SPMAP2: variants seen among roughly 807,000 people sequenced by gnomAD.
SPMAP2 encodes sperm microtubule associated protein 2.
At chr19:368,472 G>T in the SPMAP2 span, among the ~76,000 whole-genome samples, 1 of 152,074 alleles carries the variant, frequency 6.6e-6, no homozygotes, top group African/African-American at 2.4e-5. The surrounding 1 kb of genome is among the most constrained non-coding windows in gnomAD (Gnocchi z 4.1). Context: ...TGATGCCTCT[G>T]GGGAGGGAGG....
chr19:369,273 A>G, the SPMAP2 span, among the ~76,000 whole-genome samples: 1 of 152,192 alleles, frequency 6.6e-6, no homozygotes, highest in Non-Finnish European at 1.5e-5. Flanking sequence ...CAGGTGAACA[A>G]ACCAACAAGC....
the SPMAP2 span, chr19:367,294 G>T: frequency 7.7e-6 from 11 of 1,436,204 alleles, no homozygotes; most frequent in South Asian, 1.5e-5. Context: ...TGGAGCTGAA[G>T]GACCCCAGGA....
At chr19:364,189 T>G in the SPMAP2 span, among the ~76,000 whole-genome samples, 25 of 149,632 alleles carry the variant, frequency 1.7e-4, no homozygotes, top group Non-Finnish European at 2.5e-4. Flanking sequence ...AAAAAAAAAT[T>G]AGCCGGGCGT....
At chr19:373,480 G>A in the SPMAP2 span, 1 of 1,613,376 alleles carries the variant, frequency 6.2e-7, no homozygotes, top group South Asian at 1.1e-5. Context: ...CGGGCACTGT[G>A]ATGGTGAGGG....
the SPMAP2 span, chr19:371,164 C>T: frequency 5.6e-6 from 7 of 1,254,462 alleles, no homozygotes; most frequent in Non-Finnish European, 7.5e-6. Flanking sequence ...GGTCCCAGCC[C>T]GCCTGGCGGG....
At chr19:365,944 C>G in the SPMAP2 span, among the ~76,000 whole-genome samples, 1 of 152,162 alleles carries the variant, frequency 6.6e-6, no homozygotes, top group African/African-American at 2.4e-5. Flanking sequence ...AGTTCAAGAC[C>G]AGCCTGGCCA....
the SPMAP2 span, chr19:375,985 C>T: frequency 1.0e-5 from 14 of 1,386,422 alleles, no homozygotes; most frequent in Middle Eastern, 2.6e-4. Context: ...CGGTCCCTTC[C>T]CAGCCCCCGC....
At chr19:367,343 G>A in the SPMAP2 span, 1 of 985,664 alleles carries the variant, frequency 1.0e-6, no homozygotes, top group Non-Finnish European at 1.4e-6. Flanking sequence ...GGAAGAAGTT[G>A]GTTTGTAATG....
the SPMAP2 span, chr19:367,216 C>G: frequency 1.3e-6 from 2 of 1,595,530 alleles, no homozygotes; most frequent in East Asian, 2.3e-5. Context: ...CCCTGGATAC[C>G]TGGGACACCT....
the SPMAP2 span, among the ~76,000 whole-genome samples, chr19:368,147 G>T: frequency 6.7e-6 from 1 of 149,686 alleles, no homozygotes. The surrounding 1 kb of genome is among the most constrained non-coding windows in gnomAD (Gnocchi z 4.1). Context: ...CTCGAGACCA[G>T]CCTGGGCAAC....
At chr19:368,866 G>C in the SPMAP2 span, among the ~76,000 whole-genome samples, 3 of 152,320 alleles carry the variant, frequency 2.0e-5, no homozygotes. This position sits in a 1 kb window ranked among gnomAD's most constrained non-coding sequence, Gnocchi z 4.1. Context: ...CTCAGGCCGG[G>C]CTGCTGAGGT....
chr19:374,436 C>A, the SPMAP2 span: 2 of 1,613,952 alleles, frequency 1.2e-6, no homozygotes, highest in South Asian at 2.2e-5. Context: ...GGGAGAATTC[C>A]ACGTTGAAGT....
chr19:362,169 T>C, the SPMAP2 span: 1 of 1,436,156 alleles, frequency 7.0e-7, no homozygotes, highest in Non-Finnish European at 9.2e-7. Flanking sequence ...AGGGTTAGGG[T>C]GCCTGAGGGT....
chr19:373,945 G>C, the SPMAP2 span: 2 of 1,613,344 alleles, frequency 1.2e-6, no homozygotes. Context: ...CTTACCAGCA[G>C]AGACAGAAGT....
chr19:369,405 G>A, the SPMAP2 span, among the ~76,000 whole-genome samples: 7 of 151,584 alleles, frequency 4.6e-5, no homozygotes, highest in Non-Finnish European at 7.4e-5. Flanking sequence ...CTCCCCGCCC[G>A]GAGAATGCAA....
the SPMAP2 span, chr19:372,527 G>C: frequency 8.4e-7 from 1 of 1,190,484 alleles, no homozygotes; most frequent in Non-Finnish European, 1.2e-6. Flanking sequence ...GCTGTCTAGG[G>C]CTAGGACCTG....
At chr19:362,464 A>C in the SPMAP2 span, 206 of 1,509,824 alleles carry the variant, frequency 1.4e-4, no homozygotes, top group East Asian at 7.3e-4. Flanking sequence ...ACTGAAGCTC[A>C]AACCTCAAAG....
chr19:370,911 C>A, the SPMAP2 span, among the ~76,000 whole-genome samples: 3 of 152,188 alleles, frequency 2.0e-5, no homozygotes, highest in Admixed American at 2.0e-4. Context: ...AGGAGTCCGG[C>A]CTGAGCTGGG....
chr19:364,357 G>A, the SPMAP2 span, among the ~76,000 whole-genome samples: 201 of 135,022 alleles, frequency 1.5e-3, no homozygotes, highest in Middle Eastern at 7.8e-3. Flanking sequence ...AAAAAAAAAA[G>A]AAAGAAAAAA....
Sources: gnomAD v4.1 joint callset for allele counts (sites outside exome capture counted in the v4.1 genomes callset) on GRCh38, gnomAD v4.1.1 for gene constraint, Gnocchi (gnomAD v3.1) non-coding constraint, MANE v1.5 for transcripts, NCBI Gene and HGNC (gene_info 2026-07-23, HGNC 2026-07-21) for gene names.